Variants in SLC47A2 observed in about 807,000 individuals in gnomAD.
SLC47A2 encodes solute carrier family 47 member 2.
Under a neutral mutation model 67.7 loss-of-function variants are expected in SLC47A2, and 52 were observed. That is an observed-to-expected ratio of 0.77 (90% confidence interval 0.61 to 0.97). The LOEUF (loss-of-function observed/expected upper bound fraction) is 0.97, where lower values mean the gene tolerates loss of function less well. SLC47A2 is among the 50% of genes least tolerant of loss of function. The probability of loss-of-function intolerance (pLI) is 0.00; values close to 1 mark genes in which losing one functional copy is unlikely to be tolerated. For missense variants in SLC47A2, 676 were observed against 712.3 expected, an observed-to-expected ratio of 0.95 and a Z score of 0.58; for synonymous variants, 278 against 292.9, an observed-to-expected ratio of 0.95 and a Z score of 0.52.
At position 19,710,814 on chromosome 17, in the gene SLC47A2, ATCT is replaced by A. The variant is rs1440698487; in HGVS notation, c.486+1886_486+1888del. On this transcript the variant is annotated intron_variant, in intron 5 of 16. Transcript: ENST00000433844. ...ATAGGACTTACATACACATTCACAAATCTTTTTTTTTTTTTTTGAGATGGAGTT... is the reference window on the plus strand; with the variant it reads ...ATAGGACTTACATACACATTCACAAATTTTTTTTTTTTTTGAGATGGAGTT... Among the ~76,000 whole-genome samples, 15 of 136,622 alleles carry A rather than the reference ATCT, an allele frequency of 1.1e-4. No individual in the cohort carries two copies. In the East Asian group the frequency reaches 2.9e-3, roughly 26 times the overall value. The allele number at this position is 136,622 out of a possible 152,430, so 89.6% of individuals were successfully genotyped here.
chr17:19,684,657 TAG>T (rs2085381645), intron 13 of SLC47A2, among the ~76,000 whole-genome samples: 1 of 137,300 alleles, frequency 7.3e-6, no homozygotes, highest in East Asian at 2.1e-4. Context: ...GGCCAGGAGT[TAG>T]AGACCAGCTT....
In SLC47A2 at chr17:19,685,862, AAAC is replaced by A. The variant is rs1475958136; in HGVS notation, c.1165-4195_1165-4193del. On this transcript the variant is annotated intron_variant, in intron 13 of 16. Transcript: ENST00000433844. This position sits in a 1 kb window ranked among gnomAD's most constrained non-coding sequence, Gnocchi z 4.5. ...AAGACATAGTGTAAGATATAAATAGAAACAACAAAGTTAAGAAACAGCAGGGGA... is the reference window on the plus strand; with the variant it reads ...AAGACATAGTGTAAGATATAAATAGAAACAAAGTTAAGAAACAGCAGGGGA... Among the ~76,000 whole-genome samples, 2 of 152,258 alleles carry A rather than the reference AAAC, an allele frequency of 1.3e-5. No individual in the cohort carries two copies. Among genetic ancestry groups the A allele is most frequent in the Non-Finnish European group, 2.9e-5 (2 of 68,040 alleles).
In SLC47A2 at chr17:19,713,916, C is replaced by G. The variant is rs772775824; in HGVS notation, c.352G>C (p.Val118Leu). 1 of 1,613,776 alleles carries G rather than the reference C, an allele frequency of 6.2e-7. No individual in the cohort carries two copies. Among genetic ancestry groups the G allele is most frequent in the South Asian group, 1.1e-5 (1 of 91,072 alleles). Residue 118 changes from valine (V) to leucine (L), a missense_variant, in exon 4 of 17, where the codon GTC becomes CTC. Transcript: ENST00000433844. The part of the protein sequence containing the change: ...VGVILQRGAL[V>L]LLLCCLPCWA... ...CAAGGGAGGCAGCAGAGGAGCAGGA[C>G]CAGCGCGCCCCGCTGCAGGATCACG...
intron 10 of SLC47A2, chr17:19,704,726 G>T: frequency 2.6e-6 from 4 of 1,544,652 alleles, no homozygotes; most frequent in Non-Finnish European, 3.5e-6. Context: ...TGGGGGCTGT[G>T]GTGGAGGAGA....
At chr17:19,705,597 CTT>C (rs34629869) in intron 9 of SLC47A2, 94 bp from the exon 10 acceptor site, 13,371 of 877,162 alleles carry the variant, frequency 0.015, no homozygotes, top group East Asian at 0.023. Flanking sequence ...GACTCAGGGG[CTT>C]TTTTTTTTTT....
At chr17:19,716,806 G>A (rs1022868312), upstream of SLC47A2, 10 of 493,166 alleles carry the variant, frequency 2.0e-5, no homozygotes, top group Non-Finnish European at 2.8e-5. Flanking sequence ...ACCGCTGCCT[G>A]TTGTGTCTGG....
At position 19,685,300 on chromosome 17, in the gene SLC47A2, T is replaced by G. The variant is rs974247577; in HGVS notation, c.1165-3630A>C. On this transcript the variant is annotated intron_variant, in intron 13 of 16. Transcript: ENST00000433844. This position sits in a 1 kb window ranked among gnomAD's most constrained non-coding sequence, Gnocchi z 4.5. ...GAAGTGAGCAGCGTCTCTGCTTGGCTGCCCATCGTCTGGGATGTGAGGAGC... is the reference window on the plus strand; with the variant it reads ...GAAGTGAGCAGCGTCTCTGCTTGGCGGCCCATCGTCTGGGATGTGAGGAGC... Among the ~76,000 whole-genome samples, 1 of 151,888 alleles carries G rather than the reference T, an allele frequency of 6.6e-6. No homozygotes were observed. Among genetic ancestry groups the G allele is most frequent in the Non-Finnish European group, 1.5e-5 (1 of 67,976 alleles).
intron 13 of SLC47A2, among the ~76,000 whole-genome samples, chr17:19,688,623 G>A (rs940244694): frequency 2.0e-5 from 3 of 152,062 alleles, no homozygotes; most frequent in Non-Finnish European, 2.9e-5. Context: ...ATGGAGTCTC[G>A]CTCTGTTGCC....
At position 19,679,949 on chromosome 17, in the gene SLC47A2, T is replaced by TA; in HGVS notation, c.1480+2dup. On this transcript the variant is annotated splice_region_variant and intron_variant, in intron 16 of 16. Coordinates refer to ENST00000433844, the MANE Select transcript of SLC47A2 (RefSeq NM_001099646.3). Reference sequence around the variant, plus strand: ...AAAGTAGAAGCAGCGGTGACAGTATTACCTGAAGATAGGACTGCTTTCTCA... The same window carrying TA: ...AAAGTAGAAGCAGCGGTGACAGTATTAACCTGAAGATAGGACTGCTTTCTCA... 1.9e-6 allele frequency: 3 copies of TA among 1,613,254 alleles called. No homozygotes were observed. Among genetic ancestry groups the TA allele is most frequent in the Non-Finnish European group, 2.5e-6 (3 of 1,179,670 alleles).
At chr17:19,715,053 G>A (rs2086214085) in intron 2 of SLC47A2, 63 bp downstream of exon 2, 9 of 1,560,962 alleles carry the variant, frequency 5.8e-6, no homozygotes, top group East Asian at 2.2e-5. Flanking sequence ...GGGCCCACCC[G>A]GGAACCCGGT....
chr17:19,717,911 A>G (rs1173256033), upstream of SLC47A2: 1 of 152,194 alleles, frequency 6.6e-6, no homozygotes, highest in African/African-American at 2.4e-5. Context: ...CTGTGCACCA[A>G]ATAGTACCTT....
chr17:19,713,742 T>C, intron 4 of SLC47A2, 83 bp downstream of exon 4: 1 of 1,539,260 alleles, frequency 6.5e-7, no homozygotes. Context: ...GCATGGGGTG[T>C]GAGGGCTGGG....
chr17:19,714,328 G>A, intron 3 of SLC47A2: 1 of 393,016 alleles, frequency 2.5e-6, no homozygotes, highest in Non-Finnish European at 4.6e-6. Context: ...CACCTGGGCA[G>A]CCCCTGCTGG....
In SLC47A2 at chr17:19,714,197, C is replaced by T. The variant is rs145889531; in HGVS notation, c.295-224G>A. 6.7e-3 allele frequency among the ~76,000 whole-genome samples: 1,018 copies of T among 152,320 alleles called. 5 individuals carry two copies. The highest frequency in any genetic ancestry group is 0.023 in the African/African-American group (959 of 41,570). On this transcript the variant is annotated intron_variant, in intron 3 of 16. Transcript: ENST00000433844. ...TCCAAAGCTCCAAGGAGGACGAAGG[C>T]ACATGGGGCTTCATCACATGTCAGC...
intron 16 of SLC47A2, 148 bp from the exon 17 acceptor site, chr17:19,679,054 T>A: frequency 6.2e-6 from 4 of 646,356 alleles, no homozygotes. Flanking sequence ...AATAACTGCT[T>A]TATCTACTTT....
intron 11 of SLC47A2, 117 bp from the exon 12 acceptor site, chr17:19,703,284 G>C: frequency 1.1e-6 from 1 of 879,288 alleles, no homozygotes; most frequent in South Asian, 1.5e-5. Context: ...TCTGCAACCA[G>C]GTGCCTTTTG....
chr17:19,679,832 A>T, intron 16 of SLC47A2, 120 bp downstream of exon 16: 1 of 956,426 alleles, frequency 1.0e-6, no homozygotes, highest in Non-Finnish European at 1.5e-6. Flanking sequence ...TAATAATGGG[A>T]AGAAAAATAG....
At chr17:19,712,035 G>C (rs531314882) in intron 5 of SLC47A2, among the ~76,000 whole-genome samples, 6 of 152,222 alleles carry the variant, frequency 3.9e-5, no homozygotes, top group African/African-American at 1.4e-4. Flanking sequence ...TACACATACT[G>C]ATCCCATTCC....
chr17:19,715,115 C>T lies in SLC47A2; in HGVS notation c.225+1G>A, dbSNP rs745786242. ...TGCTCTGGGCCAAGCTGGGTACTCA[C>T]GGCCACCGCGAGGGTCACCGATGCC... On this transcript the variant is annotated splice_donor_variant, in intron 2 of 16. Coordinates refer to ENST00000433844, the MANE Select transcript of SLC47A2 (RefSeq NM_001099646.3). LOFTEE classifies it high-confidence loss of function. The T allele has an allele frequency of 1.3e-5, 21 of 1,611,342 alleles. No individual in the cohort carries two copies. Among genetic ancestry groups the T allele is most frequent in the Admixed American group, 1.7e-5 (1 of 60,038 alleles).
Sources: gnomAD v4.1 joint callset for allele counts (sites outside exome capture counted in the v4.1 genomes callset) on GRCh38, gnomAD v4.1.1 for gene constraint, Gnocchi (gnomAD v3.1) non-coding constraint, MANE v1.5 for transcripts, NCBI Gene and HGNC (gene_info 2026-07-23, HGNC 2026-07-21) for gene names.